PTCHD1: variants seen among roughly 807,000 people sequenced by gnomAD.
The protein encoded by PTCHD1 is patched domain-containing protein 1.
PTCHD1 carries 3 observed loss-of-function variants against 34.6 expected under a neutral mutation model. That is an observed-to-expected ratio of 0.09 (90% confidence interval 0.04 to 0.22). The LOEUF (loss-of-function observed/expected upper bound fraction) is 0.22. Among genes scored for constraint, PTCHD1 ranks in the 10% least tolerant of loss-of-function variants. The probability of loss-of-function intolerance (pLI) is 1.00; values close to 1 mark genes in which losing one functional copy is unlikely to be tolerated. For missense variants in PTCHD1, 504 were observed against 685.5 expected, an observed-to-expected ratio of 0.74 and a Z score of 2.96; for synonymous variants, 305 against 283.1, an observed-to-expected ratio of 1.08 and a Z score of -0.77.
rs1923027532 is a variant in PTCHD1, at chrX:23,397,808, T to C, written c.*3623T>C. ...CAGCTGTGTCCATCACAAGAAAAGG[T>C]GGAATGGGCAGCTGTCTTGGGGGTG... On this transcript the variant is annotated 3_prime_UTR_variant, in exon 3 of 3. Coordinates refer to ENST00000379361, the MANE Select transcript of PTCHD1 (RefSeq NM_173495.3). 9.0e-6 allele frequency: 1 copy of C among 111,141 alleles called. No individual in the cohort carries two copies. The highest frequency in any genetic ancestry group is 2.8e-4 in the East Asian group (1 of 3,536). The allele number at this position is 111,141 out of a possible 1,213,427, so 9.2% of individuals were successfully genotyped here.
intron 1 of PTCHD1, among the ~76,000 whole-genome samples, chrX:23,367,588 C>T (rs752061102): frequency 1.8e-5 from 2 of 111,199 alleles, no homozygotes; most frequent in South Asian, 3.8e-4. Flanking sequence ...GGATGCACTC[C>T]ACCTCTAAAG....
At chrX:23,354,539 C>G (rs900035264) in intron 1 of PTCHD1, among the ~76,000 whole-genome samples, 2 of 102,055 alleles carry the variant, frequency 2.0e-5, no homozygotes, top group South Asian at 4.5e-4. Context: ...CCTCCAGAAG[C>G]TAGGCTAGAA....
rs369824361 is a variant in PTCHD1, at chrX:23,386,870, A to G, written c.1013-5661A>G. On this transcript the variant is annotated intron_variant, in intron 2 of 2. Coordinates refer to ENST00000379361, the MANE Select transcript of PTCHD1 (RefSeq NM_173495.3). ...ACTGAAACTGAAAGATCATCCATCA[A>G]TCAGCAAGCCATCCCATTTCCTCCT... 1.2e-3 allele frequency among the ~76,000 whole-genome samples: 134 copies of G among 112,730 alleles called. 1 individual carries two copies. The highest frequency in any genetic ancestry group is 4.1e-3 in the African/African-American group (127 of 31,111).
At chrX:23,343,740 G>A (rs1235519414) in intron 1 of PTCHD1, among the ~76,000 whole-genome samples, 1 of 112,326 alleles carries the variant, frequency 8.9e-6, no homozygotes, top group Non-Finnish European at 1.9e-5. Context: ...ATTTTTCAGC[G>A]TGGAAGATAA....
intron 1 of PTCHD1, among the ~76,000 whole-genome samples, chrX:23,357,787 T>G (rs750493460): frequency 1.7e-4 from 19 of 111,342 alleles, no homozygotes; most frequent in African/African-American, 6.2e-4. Flanking sequence ...ATTAGGTATT[T>G]CTCCCAGTGC....
chrX:23,342,531 G>T (rs1329726501), intron 1 of PTCHD1, among the ~76,000 whole-genome samples: 2 of 107,774 alleles, frequency 1.9e-5, no homozygotes, highest in African/African-American at 6.7e-5. Flanking sequence ...CAACAAGATG[G>T]CTATGACCCT....
intron 1 of PTCHD1, among the ~76,000 whole-genome samples, chrX:23,358,000 G>A (rs1194077509): frequency 9.0e-6 from 1 of 111,375 alleles, no homozygotes; most frequent in Non-Finnish European, 1.9e-5. Flanking sequence ...CATCTTTTTT[G>A]TGGCTCCATA....
chrX:23,392,889 C>T lies in PTCHD1; in HGVS notation c.1371C>T (p.Tyr457=), dbSNP rs201282146. ...CATTGCAGGAGAAGCCGGCATGGTA[C>T]AGGTTTCTCCTGACGGCCAGATTCA... ...PEALQEKPAW[Y]RFLLTARFSE... The change falls in exon 3 of 3, where the codon TAC becomes TAT. Residue 457 remains tyrosine, a synonymous_variant. Transcript: ENST00000379361. 7 of 1,210,713 alleles carry T rather than the reference C, an allele frequency of 5.8e-6. No homozygotes were observed.
chrX:23,390,781 T>G (rs1922809359), intron 2 of PTCHD1, among the ~76,000 whole-genome samples: 1 of 112,109 alleles, frequency 8.9e-6, no homozygotes, highest in Admixed American at 9.5e-5. Flanking sequence ...AAATACTAGC[T>G]TGGGCATGAG....
chrX:23,342,316 T>A (rs1402348296), intron 1 of PTCHD1, among the ~76,000 whole-genome samples: 42 of 24,847 alleles, frequency 1.7e-3, no homozygotes, highest in Admixed American at 2.1e-3. Context: ...ATATATTTTT[T>A]TTTTTTTTTT....
At chrX:23,385,450 C>T (rs918536123) in intron 2 of PTCHD1, among the ~76,000 whole-genome samples, 2 of 111,146 alleles carry the variant, frequency 1.8e-5, no homozygotes, top group East Asian at 5.6e-4. Flanking sequence ...TCTGTCTACC[C>T]GGTCGTGCCC....
chrX:23,380,130 C>A lies in PTCHD1; in HGVS notation c.891C>A (p.Pro297=), dbSNP rs997422283. ...CSMQDCVRSK[P]WLGLLGLVTI... is the part of the protein sequence containing the mutation. Reference sequence around the variant, plus strand: ...TGCAGGACTGCGTCCGCAGCAAACCCTGGCTAGGCCTGCTCGGATTGGTGA... The same window carrying A: ...TGCAGGACTGCGTCCGCAGCAAACCATGGCTAGGCCTGCTCGGATTGGTGA... The change falls in exon 2 of 3, where the codon CCC becomes CCA. Residue 297 remains proline (P), a synonymous_variant. Transcript: ENST00000379361. 2 of 1,211,581 alleles carry A rather than the reference C, an allele frequency of 1.7e-6. No individual in the cohort carries two copies. Among genetic ancestry groups the A allele is most frequent in the Admixed American group, 2.2e-5 (1 of 46,085 alleles).
chrX:23,381,637 G>A (rs1001141046), intron 2 of PTCHD1, among the ~76,000 whole-genome samples: 1 of 111,819 alleles, frequency 8.9e-6, no homozygotes, highest in Non-Finnish European at 1.9e-5. Context: ...ATTCTCTGTG[G>A]CCCGAGGAAT....
At position 23,402,178 on chromosome X, in the gene PTCHD1, C is replaced by A. The variant is rs1173720860; in HGVS notation, c.*7993C>A. 9.0e-6 allele frequency: 1 copy of A among 111,560 alleles called. No homozygotes were observed. The highest frequency in any genetic ancestry group is 1.9e-5 in the Non-Finnish European group (1 of 53,124). 9.2% of individuals were successfully genotyped at this position (111,560 alleles called of 1,213,427 possible). Reference sequence around the variant, plus strand: ...CGGGAAAACCGGTGCATTTCATCAACCTCAAGGAAAGGAAGTGCCATGCAT... The same window carrying A: ...CGGGAAAACCGGTGCATTTCATCAAACTCAAGGAAAGGAAGTGCCATGCAT... On this transcript the variant is annotated 3_prime_UTR_variant, in exon 3 of 3. Transcript: ENST00000379361.
At chrX:23,344,247 C>A (rs746715564) in intron 1 of PTCHD1, among the ~76,000 whole-genome samples, 11 of 112,086 alleles carry the variant, frequency 9.8e-5, no homozygotes, top group Non-Finnish European at 2.1e-4. Flanking sequence ...TTGGGCAAGT[C>A]ACCTAACCTC....
Position 23,372,451 on chromosome X carries a change from C to T in PTCHD1, c.352-7140C>T, listed in dbSNP as rs776627192. Among the ~76,000 whole-genome samples the T allele has an allele frequency of 1.4e-3, 151 of 110,518 alleles. 1 individual carries two copies. The highest frequency in any genetic ancestry group is 4.7e-3 in the African/African-American group (143 of 30,403). On this transcript the variant is annotated intron_variant, in intron 1 of 2. Coordinates refer to ENST00000379361, the MANE Select transcript of PTCHD1 (RefSeq NM_173495.3). ...AGGGGAATTTAAAGCAGGGAAGTGA[C>T]GTGTTTTCATAGGTTCATTGTTTTG...
intron 1 of PTCHD1, among the ~76,000 whole-genome samples, chrX:23,365,044 C>T (rs1165413228): frequency 3.0e-4 from 34 of 111,868 alleles, no homozygotes. Flanking sequence ...CTAGACCCAA[C>T]AAGTGATTAG....
In PTCHD1 at chrX:23,392,598, T is replaced by G. The variant is rs375720878; in HGVS notation, c.1080T>G (p.Val360=). The G allele has an allele frequency of 2.5e-5, 30 of 1,207,742 alleles. 1 individual carries two copies. The highest frequency in any genetic ancestry group is 1.7e-4 in the Admixed American group (8 of 45,824). The change falls in exon 3 of 3, where the codon GTT becomes GTG. Residue 360 remains valine, a synonymous_variant. Transcript: ENST00000379361. ...GGAAAACTAGAGAAGACCAACATGT[T>G]AAAGAGAGAACTGCAGCAGTCTATG... ...SWRKTREDQH[V]KERTAAVYAD...
chrX:23,360,228 G>C (rs772836406), intron 1 of PTCHD1, among the ~76,000 whole-genome samples: 1 of 111,856 alleles, frequency 8.9e-6, no homozygotes, highest in Non-Finnish European at 1.9e-5. Context: ...AATGGTACCA[G>C]CTCTTCTATA....
Sources: allele counts gnomAD v4.1 joint callset (sites outside exome capture counted in the v4.1 genomes callset), GRCh38; gene constraint gnomAD v4.1.1; transcripts MANE v1.5; gene names NCBI Gene and HGNC (gene_info 2026-07-23, HGNC 2026-07-21).